Variants in TENM3 observed in about 807,000 individuals in gnomAD.
TENM3 encodes teneurin transmembrane protein 3.
Under a neutral mutation model 255.1 loss-of-function variants are expected in TENM3, and 63 were observed. That is an observed-to-expected ratio of 0.25 (90% confidence interval 0.20 to 0.30). The LOEUF (loss-of-function observed/expected upper bound fraction) is 0.30, where lower values mean the gene tolerates loss of function less well. TENM3 is among the 10% of genes least tolerant of loss of function. The probability of loss-of-function intolerance (pLI) is 1.00; values close to 1 mark genes in which losing one functional copy is unlikely to be tolerated. For missense variants in TENM3, 2,929 were observed against 3,461.1 expected, an observed-to-expected ratio of 0.85 and a Z score of 3.86; for synonymous variants, 1,306 against 1,322.3, an observed-to-expected ratio of 0.99 and a Z score of 0.27.
At chr4:181,922,611 T>A in the TENM3 span, among the ~76,000 whole-genome samples, 3 of 152,236 alleles carry the variant, frequency 2.0e-5, no homozygotes, top group Admixed American at 2.0e-4. Context: ...TGTATCTGTT[T>A]GATTCTTCTC....
At chr4:182,244,895 T>G (rs1757542489) in intron 1 of TENM3, among the ~76,000 whole-genome samples, 1 of 152,240 alleles carries the variant, frequency 6.6e-6, no homozygotes. Context: ...GTTATTTATG[T>G]TCTAATTAAA....
the TENM3 span, among the ~76,000 whole-genome samples, chr4:181,714,690 A>T: frequency 1.3e-5 from 2 of 152,174 alleles, no homozygotes; most frequent in Admixed American, 6.5e-5. Context: ...TAAAATGTGG[A>T]TGTGATTGAT....
At chr4:182,473,621 C>G (rs1272484011) in intron 3 of TENM3, among the ~76,000 whole-genome samples, 1 of 151,804 alleles carries the variant, frequency 6.6e-6, no homozygotes, top group Non-Finnish European at 1.5e-5. Context: ...TGCAGTGAGC[C>G]GAGATCGCGC....
At chr4:182,381,198 A>G (rs1767537952) in intron 3 of TENM3, among the ~76,000 whole-genome samples, 1 of 152,234 alleles carries the variant, frequency 6.6e-6, no homozygotes, top group Non-Finnish European at 1.5e-5. Flanking sequence ...ATCCCCCGAC[A>G]GGGGGAAGTC....
the TENM3 span, among the ~76,000 whole-genome samples, chr4:181,582,586 G>T: frequency 7.9e-5 from 12 of 151,082 alleles, no homozygotes; most frequent in Admixed American, 6.6e-5. Context: ...GGCGGAGGTT[G>T]CAGGGAGCCG....
At chr4:182,177,958 GT>G (rs56256529) in intron 1 of TENM3, among the ~76,000 whole-genome samples, 120 of 117,136 alleles carry the variant, frequency 1.0e-3, no homozygotes, top group Middle Eastern at 4.7e-3. Context: ...TTTGGTTTTT[GT>G]TTTTTTTTTT....
At chr4:181,780,754 G>GT in the TENM3 span, among the ~76,000 whole-genome samples, 4 of 152,156 alleles carry the variant, frequency 2.6e-5, no homozygotes, top group East Asian at 5.8e-4. Flanking sequence ...TTCTTCTAGG[G>GT]TTTTTTAGGT....
the TENM3 span, among the ~76,000 whole-genome samples, chr4:181,750,382 C>T: frequency 1.3e-5 from 2 of 152,158 alleles, no homozygotes; most frequent in South Asian, 2.1e-4. Flanking sequence ...GTTTTACCAA[C>T]TTTATCACTT....
chr4:181,481,981 T>A, the TENM3 span, among the ~76,000 whole-genome samples: 1 of 152,132 alleles, frequency 6.6e-6, no homozygotes, highest in Non-Finnish European at 1.5e-5. Context: ...AAAGCAGTCA[T>A]CAGAGCTACT....
the TENM3 span, among the ~76,000 whole-genome samples, chr4:181,870,762 C>T: frequency 1.3e-5 from 2 of 151,864 alleles, no homozygotes; most frequent in Admixed American, 6.6e-5. Context: ...AGTGACTTGC[C>T]TTATTTCTTA....
At chr4:182,156,011 ATTTT>A (rs56399249) in intron 1 of TENM3, among the ~76,000 whole-genome samples, 13 of 118,508 alleles carry the variant, frequency 1.1e-4, no homozygotes, top group South Asian at 8.3e-4. Context: ...CTGTTTGAGG[ATTTT>A]TTTTTTTTTT....
At chr4:181,454,317 A>G in the TENM3 span, among the ~76,000 whole-genome samples, 1 of 152,182 alleles carries the variant, frequency 6.6e-6, no homozygotes, top group Non-Finnish European at 1.5e-5. Context: ...GTACCGCATA[A>G]CGATGTTTCA....
the TENM3 span, among the ~76,000 whole-genome samples, chr4:182,069,981 A>G: frequency 6.6e-6 from 1 of 152,188 alleles, no homozygotes; most frequent in Admixed American, 6.5e-5. Flanking sequence ...CAGAGGTCAT[A>G]CTTGAGGTGA....
chr4:181,707,356 G>A, the TENM3 span, among the ~76,000 whole-genome samples: 1 of 152,136 alleles, frequency 6.6e-6, no homozygotes, highest in Non-Finnish European at 1.5e-5. Flanking sequence ...GCATCTCAGA[G>A]ACAAATAAAA....
intron 12 of TENM3, among the ~76,000 whole-genome samples, chr4:182,705,682 T>G (rs985754525): frequency 1.3e-5 from 2 of 152,190 alleles, no homozygotes; most frequent in Non-Finnish European, 2.9e-5. Context: ...ATTAACCTTG[T>G]TCCATGTCTC....
chr4:181,505,193 C>G, the TENM3 span, among the ~76,000 whole-genome samples: 1 of 152,222 alleles, frequency 6.6e-6, no homozygotes, highest in African/African-American at 2.4e-5. Flanking sequence ...CACTTCTCAT[C>G]TGTGGGCTAA....
At chr4:182,102,802 G>A in the TENM3 span, among the ~76,000 whole-genome samples, 2 of 152,074 alleles carry the variant, frequency 1.3e-5, no homozygotes, top group East Asian at 1.9e-4. Context: ...TATAAACTGG[G>A]ATCAGGATTA....
intron 1 of TENM3, among the ~76,000 whole-genome samples, chr4:182,184,116 GA>G (rs1173428803): frequency 1.3e-5 from 2 of 152,166 alleles, no homozygotes. Flanking sequence ...CAGCTGGTTA[GA>G]AATTACAGCA....
At chr4:182,007,471 T>G in the TENM3 span, among the ~76,000 whole-genome samples, 13 of 152,348 alleles carry the variant, frequency 8.5e-5, no homozygotes, top group African/African-American at 3.1e-4. Flanking sequence ...CCTTTACCAT[T>G]ACATAATGTC....
Sources: allele counts gnomAD v4.1 joint callset (sites outside exome capture counted in the v4.1 genomes callset), GRCh38; gene constraint gnomAD v4.1.1; transcripts MANE v1.5; gene names NCBI Gene and HGNC (gene_info 2026-07-23, HGNC 2026-07-21).